DPP3: variants seen among roughly 807,000 people sequenced by gnomAD.
DPP3 encodes the protein dipeptidyl peptidase 3, also known as DPP III.
In DPP3, 64 loss-of-function variants were observed where a neutral mutation model predicts 89.8. The observed-to-expected ratio is 0.71, with a 90% CI of 0.58 to 0.88. DPP3 has a LOEUF of 0.88. Ranked by LOEUF, DPP3 falls within the 40% of genes least tolerant of loss-of-function variation. The pLI is 0.00. For synonymous variants in DPP3, 377 were observed against 404.3 expected (o/e 0.93, Z 0.81); for missense variants, 835 against 972.5 (o/e 0.86, Z 1.88).
At chr11:66,489,610 C>A (rs942585705) in intron 6 of DPP3, among the ~76,000 whole-genome samples, 4 of 152,208 alleles carry the variant, frequency 2.6e-5, no homozygotes, top group Non-Finnish European at 2.9e-5. Flanking sequence ...TGCTGTGGAA[C>A]AAATGCTCCG....
intron 16 of DPP3, among the ~76,000 whole-genome samples, chr11:66,504,206 C>T (rs1387590948): frequency 2.7e-5 from 4 of 150,296 alleles, no homozygotes; most frequent in Non-Finnish European, 4.4e-5. Flanking sequence ...AATCCTCTCA[C>T]CTCGGACTCC....
chr11:66,492,850 T>C lies in DPP3; in HGVS notation c.1123T>C (p.Ser375Pro). 1 of 1,614,076 alleles carries C rather than the reference T, an allele frequency of 6.2e-7. No homozygotes were observed. Among genetic ancestry groups the C allele is most frequent in the Non-Finnish European group, 8.5e-7 (1 of 1,180,000 alleles). ...CAAGTTCCTCACCCCTGACTTCACC[T>C]CCCTGGATGTTCTCACCTTCGCTGG... is the stretch of plus-strand genomic sequence containing the variant. ...KDKFLTPDFT[S>P]LDVLTFAGSG... is the part of the protein sequence containing the mutation. Residue 375 changes from serine to proline, a missense_variant, in exon 10 of 18, where the codon TCC becomes CCC. Coordinates refer to ENST00000531863, the MANE Select transcript of DPP3 (RefSeq NM_130443.4).
chr11:66,507,177 A>C (rs1175539150), intron 17 of DPP3, among the ~76,000 whole-genome samples: 1 of 151,894 alleles, frequency 6.6e-6, no homozygotes, highest in African/African-American at 2.4e-5. Context: ...ATAAATAATC[A>C]TACAAGGGGG....
intron 17 of DPP3, among the ~76,000 whole-genome samples, chr11:66,507,644 A>G (rs1855836811): frequency 6.6e-6 from 1 of 151,242 alleles, no homozygotes; most frequent in Non-Finnish European, 1.5e-5. Flanking sequence ...TCTGAAGAAC[A>G]GGTTGGATTT....
Position 66,509,164 on chromosome 11 carries a change from C to T in DPP3, c.2127C>T (p.Pro709=). 5 of 1,614,200 alleles carry T rather than the reference C, an allele frequency of 3.1e-6. No homozygotes were observed. The highest frequency in any genetic ancestry group is 2.5e-6 in the Non-Finnish European group (3 of 1,180,050). The change falls in exon 18 of 18, where the codon CCC becomes CCT. Residue 709 remains proline, a synonymous_variant. Coordinates refer to ENST00000531863, the MANE Select transcript of DPP3 (RefSeq NM_130443.4). The part of the protein sequence containing the change: ...SFSERFPEDG[P]ELEEILTQLA... ...CTGAGCGTTTCCCAGAGGATGGACC[C>T]GAGTTGGAGGAGATCCTCACACAGC...
rs1484063921 is a variant in DPP3 at position 66,509,510 on chromosome 11, G to T, written c.*259G>T. 3 of 1,224,774 alleles carry T rather than the reference G, an allele frequency of 2.4e-6. No homozygotes were observed. The Admixed American group carries it at 5.9e-5, about 24-fold the overall frequency. 75.9% of individuals were successfully genotyped at this position (1,224,774 alleles called of 1,614,324 possible). On this transcript the variant is annotated 3_prime_UTR_variant, in exon 18 of 18. Transcript: ENST00000531863. Reference sequence around the variant, plus strand: ...ACAGGGCTTACCATCCTGTCTACCAGATGAGGAAATGGCAGTTCTGAGAAG... The same window carrying T: ...ACAGGGCTTACCATCCTGTCTACCATATGAGGAAATGGCAGTTCTGAGAAG...
chr11:66,499,717 C>T (rs982392383), intron 16 of DPP3, among the ~76,000 whole-genome samples: 2 of 152,008 alleles, frequency 1.3e-5, no homozygotes, highest in Non-Finnish European at 2.9e-5. Context: ...TTGCAGTGAG[C>T]CAAGATTGTG....
chr11:66,494,951 G>A lies in DPP3; in HGVS notation c.1390-255G>A, dbSNP rs566456446. ...TTGGGGCAAGTCCCTCGGCTGTCTGGTCCTCAGTTTTCCTCTCTGTGTGGT... is the reference window on the plus strand; with the variant it reads ...TTGGGGCAAGTCCCTCGGCTGTCTGATCCTCAGTTTTCCTCTCTGTGTGGT... On this transcript the variant is annotated intron_variant, in intron 12 of 17. Transcript: ENST00000531863. Among the ~76,000 whole-genome samples the A allele has an allele frequency of 2.0e-5, 3 of 152,276 alleles. No individual in the cohort carries two copies. In the South Asian group the frequency reaches 6.2e-4, roughly 32 times the overall value.
chr11:66,496,665 C>T (rs1425420785), intron 15 of DPP3, among the ~76,000 whole-genome samples: 6 of 152,112 alleles, frequency 3.9e-5, no homozygotes, highest in Non-Finnish European at 8.8e-5. Flanking sequence ...CCGCCCGCCT[C>T]GGCCTCCCAA....
chr11:66,491,673 C>T (rs768573461), intron 8 of DPP3, 25 bp from the exon 9 acceptor site: 15 of 1,610,922 alleles, frequency 9.3e-6, no homozygotes, highest in Non-Finnish European at 1.3e-5. Context: ...TGCCCCTCCT[C>T]CACCTCTGCC....
At chr11:66,507,476 AT>A (rs201895610) in intron 17 of DPP3, among the ~76,000 whole-genome samples, 2 of 151,676 alleles carry the variant, frequency 1.3e-5, no homozygotes, top group Non-Finnish European at 1.5e-5. Flanking sequence ...AAAAAAAAAA[AT>A]AATAATAATA....
chr11:66,493,906 C>T (rs1855462988), intron 12 of DPP3, among the ~76,000 whole-genome samples: 1 of 152,130 alleles, frequency 6.6e-6, no homozygotes, highest in Admixed American at 6.5e-5. Context: ...GTAGAGGGCC[C>T]TTCGGGACAG....
chr11:66,493,544 C>CTGTA lies in DPP3; in HGVS notation c.1301_1304dup (p.Ile436ValfsTer38). 1 of 1,613,012 alleles carries CTGTA rather than the reference C, an allele frequency of 6.2e-7. No homozygotes were observed. ...GGGTCTCTGCTTGTCTTGGCAGGACCTGTACATCCTCTGGAAGGGGCCCTC... is the reference window on the plus strand; with the variant it reads ...GGGTCTCTGCTTGTCTTGGCAGGACCTGTATGTACATCCTCTGGAAGGGGCCCTC... On this transcript the variant is annotated frameshift_variant, in exon 12 of 18. Transcript: ENST00000531863. LOFTEE classifies it high-confidence loss of function.
intron 16 of DPP3, among the ~76,000 whole-genome samples, chr11:66,498,418 A>C (rs1347343431): frequency 1.3e-5 from 2 of 152,064 alleles, no homozygotes; most frequent in African/African-American, 4.8e-5. Flanking sequence ...TAGTAGAGAC[A>C]GGGTTTCACC....
intron 11 of DPP3, 40 bp downstream of exon 11, chr11:66,493,219 C>T: frequency 6.4e-7 from 1 of 1,556,404 alleles, no homozygotes; most frequent in Non-Finnish European, 8.8e-7. Context: ...TGGGCCTCAC[C>T]TTCCTCAGCA....
rs923965507 is a variant in DPP3, at chr11:66,495,753, A to G, written c.1698+3A>G. 30 of 1,603,540 alleles carry G rather than the reference A, an allele frequency of 1.9e-5. No individual in the cohort carries two copies. Among genetic ancestry groups the G allele is most frequent in the Non-Finnish European group, 2.4e-5 (28 of 1,175,572 alleles). ...CTGAGGCCTTCAACTGGCGACAGGT[A>G]GGGCCTAGGTGGAGCCCCCTGGAGG... is the stretch of plus-strand genomic sequence containing the variant. On this transcript the variant is annotated splice_donor_region_variant and intron_variant, in intron 15 of 17. Transcript: ENST00000531863.
At chr11:66,486,482 G>A in intron 3 of DPP3, 58 bp from the exon 4 acceptor site, 3 of 1,435,162 alleles carry the variant, frequency 2.1e-6, no homozygotes, top group Non-Finnish European at 2.8e-6. Flanking sequence ...GGGTAGGGAG[G>A]CTCTGGAAGG....
intron 11 of DPP3, 117 bp downstream of exon 11, chr11:66,493,296 C>A: frequency 1.1e-6 from 1 of 935,158 alleles, no homozygotes; most frequent in Non-Finnish European, 1.6e-6. Context: ...CTGGCTCTGC[C>A]ACTTCCCAAC....
At chr11:66,489,622 A>C (rs1429226885) in intron 6 of DPP3, among the ~76,000 whole-genome samples, 1 of 152,226 alleles carries the variant, frequency 6.6e-6, no homozygotes, top group African/African-American at 2.4e-5. Context: ...AATGCTCCGC[A>C]AATTTAGTGA....
Sources: allele counts gnomAD v4.1 joint callset (sites outside exome capture counted in the v4.1 genomes callset), GRCh38; gene constraint gnomAD v4.1.1; transcripts MANE v1.5; gene names NCBI Gene and HGNC (gene_info 2026-07-23, HGNC 2026-07-21).